MVB12A: variants seen among roughly 807,000 people sequenced by gnomAD.
The protein encoded by MVB12A is multivesicular body subunit 12A, also known as CIN85/CD2AP family binding protein.
MVB12A carries 30 observed loss-of-function variants against 34.3 expected under a neutral mutation model. That is an observed-to-expected ratio of 0.88 (90% confidence interval 0.65 to 1.19). MVB12A has a LOEUF of 1.19. Ranked by LOEUF, MVB12A falls within the 50% of genes most tolerant of loss-of-function variation. The pLI is 0.00. For synonymous variants in MVB12A, 158 were observed against 158.9 expected (o/e 0.99, Z 0.04); for missense variants, 355 against 369.2 (o/e 0.96, Z 0.31).
upstream of MVB12A, chr19:17,417,252 T>C (rs545464828): frequency 1.8e-3 from 305 of 166,916 alleles, 1 homozygote; most frequent in African/African-American, 9.2e-3. Context: ...ACATCTCCAA[T>C]AGAGATGCCA....
chr19:17,410,529 T>TACACACACACACACACACACACACAC (rs1185077317), intron 2 of MVB12A, among the ~76,000 whole-genome samples: 52 of 74,304 alleles, frequency 7.0e-4, no homozygotes, highest in South Asian at 1.7e-3. Flanking sequence ...TATATATATA[T>TACACACACACACACACACACACACAC]ACACACACAC....
rs1326908580 is a variant in MVB12A at position 17,424,620 on chromosome 19, G to A, written c.703-1G>A. ...AAGGCTGACCCACCTCTGCCCGCCAGGCCTTCTCTGCTTTTGGGGACCTGA... is the reference window on the plus strand; with the variant it reads ...AAGGCTGACCCACCTCTGCCCGCCAAGCCTTCTCTGCTTTTGGGGACCTGA... On this transcript the variant is annotated splice_acceptor_variant, in intron 7 of 8. Coordinates refer to ENST00000317040, the MANE Select transcript of MVB12A (RefSeq NM_138401.4). LOFTEE classifies it high-confidence loss of function. 6.2e-7 allele frequency: 1 copy of A among 1,612,492 alleles called. No individual in the cohort carries two copies. Among genetic ancestry groups the A allele is most frequent in the Admixed American group, 1.7e-5 (1 of 59,696 alleles).
intron 2 of MVB12A, among the ~76,000 whole-genome samples, chr19:17,408,924 G>A (rs983984182): frequency 3.4e-5 from 5 of 148,904 alleles, no homozygotes; most frequent in African/African-American, 9.9e-5. Context: ...TGCCTCCTGG[G>A]TTGAAGCGAT....
chr19:17,424,029 C>G lies in MVB12A; in HGVS notation c.664C>G (p.Leu222Val). The change falls in exon 7 of 9, where the codon CTC (leucine) becomes GTC (valine). Residue 222 changes from leucine (L) to valine (V), a missense_variant. By Grantham distance (32) the Leu-to-Val change is conservative. Coordinates refer to ENST00000317040, the MANE Select transcript of MVB12A (RefSeq NM_138401.4). ...AGCCATGGATGGGGTTCCCTTCACA[C>G]TCCACCCACGATTTGAGGGCAAGAG... ...ISAMDGVPFTLHPRFEGKSCS... is the reference protein window; with the variant it reads ...ISAMDGVPFTVHPRFEGKSCS... 6.2e-7 allele frequency: 1 copy of G among 1,614,164 alleles called. No homozygotes were observed. The highest frequency in any genetic ancestry group is 8.5e-7 in the Non-Finnish European group (1 of 1,180,034).
At chr19:17,406,608 C>A (rs1005933084) in intron 2 of MVB12A, among the ~76,000 whole-genome samples, 2 of 152,026 alleles carry the variant, frequency 1.3e-5, no homozygotes, top group Non-Finnish European at 2.9e-5. Context: ...GGGAACTCCC[C>A]CCAGGCCCTG....
chr19:17,423,227 T>C (rs1009056406), intron 4 of MVB12A, among the ~76,000 whole-genome samples: 1 of 148,210 alleles, frequency 6.7e-6, no homozygotes, highest in African/African-American at 2.5e-5. Flanking sequence ...TAGCTGGGCA[T>C]GGTTGCCTGT....
At chr19:17,410,527 T>TACACACACACACACACACAC (rs1375212841) in intron 2 of MVB12A, among the ~76,000 whole-genome samples, 5 of 78,070 alleles carry the variant, frequency 6.4e-5, no homozygotes, top group African/African-American at 3.2e-4. Flanking sequence ...TATATATATA[T>TACACACACACACACACACAC]ATACACACAC....
At position 17,422,318 on chromosome 19, in the gene MVB12A, C is replaced by A. The variant is rs757412372; in HGVS notation, c.287-14C>A. On this transcript the variant is annotated splice_polypyrimidine_tract_variant and intron_variant, in intron 3 of 8. Coordinates refer to ENST00000317040, the MANE Select transcript of MVB12A (RefSeq NM_138401.4). ...CTGGCTTCCCTCTCTCACTCCCCTA[C>A]CCCCCACTCCCAGAGGCCTCTGTGT... 1.2e-6 allele frequency: 2 copies of A among 1,604,778 alleles called. No individual in the cohort carries two copies. The highest frequency in any genetic ancestry group is 2.7e-5 in the African/African-American group (2 of 74,734).
At chr19:17,406,558 G>T (rs1352512873) in intron 2 of MVB12A, among the ~76,000 whole-genome samples, 1 of 152,008 alleles carries the variant, frequency 6.6e-6, no homozygotes, top group Non-Finnish European at 1.5e-5. Flanking sequence ...CAGACAGTAG[G>T]CGAGGTCAAG....
Position 17,423,995 on chromosome 19 carries a change from G to A in MVB12A, c.641-11G>A, listed in dbSNP as rs368686736. The A allele has an allele frequency of 7.1e-5, 114 of 1,614,068 alleles. No homozygotes were observed. Among genetic ancestry groups the A allele is most frequent in the East Asian group, 3.1e-4 (14 of 44,884 alleles). On this transcript the variant is annotated splice_polypyrimidine_tract_variant and intron_variant, in intron 6 of 8. Coordinates refer to ENST00000317040, the MANE Select transcript of MVB12A (RefSeq NM_138401.4). Reference sequence around the variant, plus strand: ...TACACCTCACCTCCTCCCCTCGCACGTGTTTTTCAGCCATGGATGGGGTTC... The same window carrying A: ...TACACCTCACCTCCTCCCCTCGCACATGTTTTTCAGCCATGGATGGGGTTC...
intron 3 of MVB12A, 147 bp downstream of exon 3, chr19:17,420,781 G>A (rs1258767869): frequency 2.0e-5 from 13 of 644,500 alleles, no homozygotes; most frequent in Non-Finnish European, 3.4e-5. Context: ...TCAGAGCCCT[G>A]CCCTAGGGTG....
chr19:17,416,546 G>A (rs182025088), upstream of MVB12A, among the ~76,000 whole-genome samples: 277 of 151,590 alleles, frequency 1.8e-3, 1 homozygote, highest in African/African-American at 6.2e-3. Flanking sequence ...CTCAGGAGTA[G>A]CTGGGATTAC....
At chr19:17,407,685 T>A (rs1053501452) in intron 2 of MVB12A, among the ~76,000 whole-genome samples, 4 of 152,176 alleles carry the variant, frequency 2.6e-5, no homozygotes, top group Non-Finnish European at 4.4e-5. Flanking sequence ...ACTAGGAGCG[T>A]GACCACTGAA....
rs374591131 is a variant in MVB12A, at chr19:17,424,985, G to A, written c.814G>A (p.Val272Ile). 2.5e-6 allele frequency: 4 copies of A among 1,606,708 alleles called. No homozygotes were observed. Among genetic ancestry groups the A allele is most frequent in the African/African-American group, 2.7e-5 (2 of 74,738 alleles). The change falls in exon 9 of 9, where the codon GTC becomes ATC. Residue 272 changes from valine (V) to isoleucine (I), a missense_variant. Physicochemically the swap from Val to Ile is conservative, Grantham distance 29 (BLOSUM62 3). Transcript: ENST00000317040. ...CGCGGCTGCCCGCCTGCCCCCCAGC[G>A]TCTCATAGTCCCTCACCCTTCCGCG... The part of the protein sequence containing the change: ...KTAAARLPPS[V>I]S
intron 2 of MVB12A, among the ~76,000 whole-genome samples, chr19:17,411,714 T>C (rs1344351042): frequency 6.6e-6 from 1 of 152,030 alleles, no homozygotes; most frequent in African/African-American, 2.4e-5. Context: ...CAGGCTGGTC[T>C]CAAACTCCTG....
intron 2 of MVB12A, among the ~76,000 whole-genome samples, chr19:17,409,724 T>C (rs1187226111): frequency 6.6e-6 from 1 of 151,930 alleles, no homozygotes; most frequent in Non-Finnish European, 1.5e-5. Flanking sequence ...TTGCTGGGGT[T>C]ACAGGCTTGA....
At position 17,423,595 on chromosome 19, in the gene MVB12A, CTG is replaced by C. The variant is rs1218300655; in HGVS notation, c.512_513del (p.Leu171ArgfsTer8). 6.2e-7 allele frequency: 1 copy of C among 1,614,020 alleles called. No individual in the cohort carries two copies. The highest frequency in any genetic ancestry group is 1.1e-5 in the South Asian group (1 of 91,090). On this transcript the variant is annotated frameshift_variant, in exon 5 of 9. Transcript: ENST00000317040. LOFTEE classifies it high-confidence loss of function. ...GLSRDMQGLS[L>X]DAASQPSKGG... Reference sequence around the variant, plus strand: ...CAGCCGGGACATGCAGGGCCTCTCTCTGGATGCAGCCAGCCAGCCAAGGTGAG... The same window carrying C: ...CAGCCGGGACATGCAGGGCCTCTCTCGATGCAGCCAGCCAGCCAAGGTGAG...
In MVB12A at chr19:17,420,413, T is replaced by TA. The variant is rs754264775; in HGVS notation, c.189+4dup. On this transcript the variant is annotated splice_region_variant and intron_variant, in intron 2 of 8. Coordinates refer to ENST00000317040, the MANE Select transcript of MVB12A (RefSeq NM_138401.4). Reference sequence around the variant, plus strand: ...CTTAGTTCTCTGGGCAGCCTAGAGGTAAGAGGTGCCCACCTTCGGAACCAC... The same window carrying TA: ...CTTAGTTCTCTGGGCAGCCTAGAGGTAAAGAGGTGCCCACCTTCGGAACCAC... 9 of 1,613,516 alleles carry TA rather than the reference T, an allele frequency of 5.6e-6. No individual in the cohort carries two copies. Among genetic ancestry groups the TA allele is most frequent in the Non-Finnish European group, 7.6e-6 (9 of 1,179,708 alleles).
At chr19:17,412,583 T>C (rs2074776029) in intron 2 of MVB12A, among the ~76,000 whole-genome samples, 1 of 152,158 alleles carries the variant, frequency 6.6e-6, no homozygotes, top group South Asian at 2.1e-4. Flanking sequence ...TGCTTTCTTA[T>C]AGCGGGGGTG....
Sources: gnomAD v4.1 joint callset for allele counts (sites outside exome capture counted in the v4.1 genomes callset) on GRCh38, gnomAD v4.1.1 for gene constraint, MANE v1.5 for transcripts, NCBI Gene and HGNC (gene_info 2026-07-23, HGNC 2026-07-21) for gene names.